The following PDGFRA variants were observed in gnomAD, a reference collection of about 807,000 sequenced individuals.
PDGFRA encodes platelet-derived growth factor receptor alpha.
In PDGFRA, 25 loss-of-function variants were observed where a neutral mutation model predicts 121.5. That is an observed-to-expected ratio of 0.21 (90% confidence interval 0.15 to 0.29). The LOEUF is 0.29. Ranked by LOEUF, PDGFRA falls within the 10% of genes least tolerant of loss-of-function variation. PDGFRA has a pLI of 1.00. For missense variants in PDGFRA, 1,008 were observed against 1,345.1 expected, an observed-to-expected ratio of 0.75 and a Z score of 3.92; for synonymous variants, 463 against 494.8, an observed-to-expected ratio of 0.94 and a Z score of 0.85.
At chr4:54,242,146 T>G (rs1485852642) in intron 1 of PDGFRA, among the ~76,000 whole-genome samples, 1 of 152,222 alleles carries the variant, frequency 6.6e-6, no homozygotes, top group Non-Finnish European at 1.5e-5. Flanking sequence ...GGTGGTGGCC[T>G]GGGTTCAGTT....
intron 1 of PDGFRA, among the ~76,000 whole-genome samples, chr4:54,234,482 C>T (rs538184774): frequency 1.3e-5 from 2 of 152,164 alleles, no homozygotes; most frequent in Non-Finnish European, 2.9e-5. Flanking sequence ...ATGGGCTTCG[C>T]GGAGACCATT....
intron 3 of PDGFRA, among the ~76,000 whole-genome samples, chr4:54,263,073 T>C (rs1722842062): frequency 1.3e-5 from 2 of 152,216 alleles, no homozygotes; most frequent in African/African-American, 4.8e-5. Context: ...CTTCTCCTTC[T>C]TTAAATTTTA....
In PDGFRA at chr4:54,290,205, A is replaced by G. The variant is rs1724553287; in HGVS notation, c.2881-108A>G. ...CAACTAAGTCCCACATCTTCCAGGT[A>G]GTTTGGAGATATGTACAGTTAAATA... On this transcript the variant is annotated intron_variant, in intron 21 of 22. Transcript: ENST00000257290. 5 of 885,752 alleles carry G rather than the reference A, an allele frequency of 5.6e-6. No individual in the cohort carries two copies. The Admixed American group carries it at 7.3e-5, about 13-fold the overall frequency. The allele number at this position is 885,752 out of a possible 1,614,324, so 54.9% of individuals were successfully genotyped here. A position where few individuals can be genotyped will look rare whatever the true frequency, so the allele number is the denominator to read the frequency against.
At position 54,277,888 on chromosome 4, in the gene PDGFRA, T is replaced by C. The variant is rs1723825971; in HGVS notation, c.1892-8T>C. 6.3e-7 allele frequency: 1 copy of C among 1,598,784 alleles called. No homozygotes were observed. On this transcript the variant is annotated splice_region_variant and splice_polypyrimidine_tract_variant and intron_variant, in intron 13 of 22. Transcript: ENST00000257290. ...GCTGGACTGATATGTGATTTATTCT[T>C]TCAACAGCCACGGCCAGATCCAGTG...
At chr4:54,276,636 C>A (rs2110305483) in intron 12 of PDGFRA, 1 of 152,310 alleles carries the variant, frequency 6.6e-6, no homozygotes, top group East Asian at 1.9e-4. Context: ...TGAAGCAATA[C>A]CTTTCCAGGT....
chr4:54,269,901 C>G (rs1165960412), intron 7 of PDGFRA, among the ~76,000 whole-genome samples: 1 of 151,868 alleles, frequency 6.6e-6, no homozygotes, highest in Non-Finnish European at 1.5e-5. Context: ...ATTCACCTAC[C>G]TTGGCCTCCC....
chr4:54,229,841 G>C (rs760905384), intron 1 of PDGFRA: 1 of 152,346 alleles, frequency 6.6e-6, no homozygotes, highest in Non-Finnish European at 1.5e-5. Flanking sequence ...GTCCTGGAAG[G>C]CGACAGGTTT....
At chr4:54,246,078 T>C (rs1379430522) in intron 1 of PDGFRA, among the ~76,000 whole-genome samples, 2 of 151,996 alleles carry the variant, frequency 1.3e-5, no homozygotes, top group Non-Finnish European at 2.9e-5. Context: ...AAGTCCTGAG[T>C]GACCTACAAA....
chr4:54,270,530 C>A, intron 7 of PDGFRA, 103 bp from the exon 8 acceptor site: 1 of 731,158 alleles, frequency 1.4e-6, no homozygotes, highest in Admixed American at 1.9e-5. Flanking sequence ...GATGACTTTA[C>A]TTTTTACAGT....
At chr4:54,257,895 T>C (rs1167960977) in intron 1 of PDGFRA, among the ~76,000 whole-genome samples, 1 of 152,214 alleles carries the variant, frequency 6.6e-6, no homozygotes, top group Non-Finnish European at 1.5e-5. Context: ...CTTTTTGCCT[T>C]ATTTGTGTCT....
rs1492766 is a variant in PDGFRA at position 54,273,864 on chromosome 4, T to G, written c.1558+134T>G. The G allele has an allele frequency of 1, 747,274 of 749,476 alleles. 372,576 individuals carry two copies. The highest frequency in any genetic ancestry group is 1 in the East Asian group (37,627 of 37,628). 46.4% of individuals were successfully genotyped at this position (749,476 alleles called of 1,614,324 possible). ...AATTCAGTTATGAATGCTCTTAAAGTCATGTGGGACTTTGTTTTATTTTGT... is the reference window on the plus strand; with the variant it reads ...AATTCAGTTATGAATGCTCTTAAAGGCATGTGGGACTTTGTTTTATTTTGT... On this transcript the variant is annotated intron_variant, in intron 10 of 22. Coordinates refer to ENST00000257290, the MANE Select transcript of PDGFRA (RefSeq NM_006206.6).
At chr4:54,242,645 A>G (rs889680616) in intron 1 of PDGFRA, among the ~76,000 whole-genome samples, 9 of 151,802 alleles carry the variant, frequency 5.9e-5, no homozygotes, top group Non-Finnish European at 1.0e-4. Context: ...TTTTTGAGAG[A>G]AAGTGTTTTG....
At chr4:54,274,129 T>C (rs968777289) in intron 10 of PDGFRA, among the ~76,000 whole-genome samples, 8 of 152,196 alleles carry the variant, frequency 5.3e-5, no homozygotes, top group Admixed American at 2.6e-4. Flanking sequence ...CCTTAAAAGA[T>C]AGATGAAGCC....
intron 1 of PDGFRA, among the ~76,000 whole-genome samples, chr4:54,230,936 G>A (rs1720626566): frequency 6.6e-6 from 1 of 152,234 alleles, no homozygotes; most frequent in South Asian, 2.1e-4. Flanking sequence ...TATTCCGGGA[G>A]GGTGTCGGCC....
At chr4:54,291,253 C>A (rs570921399) in intron 22 of PDGFRA, among the ~76,000 whole-genome samples, 1 of 152,240 alleles carries the variant, frequency 6.6e-6, no homozygotes, top group African/African-American at 2.4e-5. Context: ...GGAAGCAAAT[C>A]CTAGACACCT....
chr4:54,245,113 G>T (rs1721559383), intron 1 of PDGFRA, among the ~76,000 whole-genome samples: 1 of 152,240 alleles, frequency 6.6e-6, no homozygotes, highest in Non-Finnish European at 1.5e-5. Context: ...GAAAGTGACG[G>T]GGAGAATGGA....
rs1724939868 is a variant in PDGFRA at position 54,297,648 on chromosome 4, C to G, written c.*2376C>G. On this transcript the variant is annotated 3_prime_UTR_variant, in exon 23 of 23. Coordinates refer to ENST00000257290, the MANE Select transcript of PDGFRA (RefSeq NM_006206.6). ...TGCTCCCACCTGAATTTGTATATGA[C>G]TGCATTTGTGTGTGTGTGTGTGTTT... 4.3e-6 allele frequency: 1 copy of G among 233,644 alleles called. No homozygotes were observed. 14.5% of individuals were successfully genotyped at this position (233,644 alleles called of 1,614,324 possible).
intron 1 of PDGFRA, among the ~76,000 whole-genome samples, chr4:54,254,740 T>C (rs926482044): frequency 4.6e-5 from 7 of 152,132 alleles, no homozygotes; most frequent in African/African-American, 1.7e-4. Flanking sequence ...TTACTGCTAA[T>C]TGTGGTAAAT....
At chr4:54,249,808 TA>T (rs1176381458) in intron 1 of PDGFRA, among the ~76,000 whole-genome samples, 1 of 151,940 alleles carries the variant, frequency 6.6e-6, no homozygotes, top group Non-Finnish European at 1.5e-5. Flanking sequence ...AAAAAATTTT[TA>T]AAAAATAAAG....
Sources: allele counts gnomAD v4.1 joint callset (sites outside exome capture counted in the v4.1 genomes callset), GRCh38; gene constraint gnomAD v4.1.1; transcripts MANE v1.5; gene names NCBI Gene and HGNC (gene_info 2026-07-23, HGNC 2026-07-21).